NRG3: variants seen among roughly 807,000 people sequenced by gnomAD.
NRG3 encodes neuregulin 3, also known as pro-neuregulin-3, membrane-bound isoform.
In NRG3, 31 loss-of-function variants were observed where a neutral mutation model predicts 66.9. That is an observed-to-expected ratio of 0.46 (90% confidence interval 0.35 to 0.63). The LOEUF is 0.63. Among genes scored for constraint, NRG3 ranks in the 20% least tolerant of loss-of-function variants. The probability of loss-of-function intolerance (pLI) is 0.00; values close to 1 mark genes in which losing one functional copy is unlikely to be tolerated. For missense variants in NRG3, 910 were observed against 878.9 expected (o/e 1.04, Z -0.45); for synonymous variants, 393 against 359.4 (o/e 1.09, Z -1.06).
intron 2 of NRG3, among the ~76,000 whole-genome samples, chr10:82,398,520 T>A (rs1188425080): frequency 6.5e-4 from 82 of 125,568 alleles, no homozygotes; most frequent in East Asian, 4.6e-3. Flanking sequence ...TGTGTGTGTG[T>A]GTGTGTGAGA....
At chr10:82,761,029 G>T (rs1464326201) in intron 3 of NRG3, among the ~76,000 whole-genome samples, 4 of 151,710 alleles carry the variant, frequency 2.6e-5, no homozygotes, top group Non-Finnish European at 5.9e-5. Context: ...GAAATTGGGT[G>T]CCCACATGAA....
intron 1 of NRG3, among the ~76,000 whole-genome samples, chr10:81,960,783 A>G (rs1850282211): frequency 6.6e-6 from 1 of 151,908 alleles, no homozygotes; most frequent in African/African-American, 2.4e-5. Context: ...CTGGAGGAGA[A>G]TGCCACATCC....
At chr10:82,257,264 G>A (rs555621863) in intron 1 of NRG3, among the ~76,000 whole-genome samples, 32 of 152,188 alleles carry the variant, frequency 2.1e-4, no homozygotes, top group African/African-American at 7.0e-4. Context: ...AGGAAGAAAG[G>A]AGAATGGGGA....
intron 1 of NRG3, among the ~76,000 whole-genome samples, chr10:82,132,462 A>C (rs141160525): frequency 3.2e-5 from 4 of 124,418 alleles, no homozygotes; most frequent in Non-Finnish European, 3.1e-5. Context: ...TATATATGAT[A>C]TATATGATAT....
chr10:82,784,595 T>C (rs2060263478), intron 3 of NRG3, among the ~76,000 whole-genome samples: 3 of 151,938 alleles, frequency 2.0e-5, no homozygotes, highest in African/African-American at 4.8e-5. Context: ...CCAAAAGACA[T>C]ATGAAAAAAT....
chr10:82,276,568 A>G lies in NRG3; in HGVS notation c.824-82171A>G, dbSNP rs528222285. 9.1e-4 allele frequency among the ~76,000 whole-genome samples: 139 copies of G among 152,196 alleles called. 1 individual carries two copies. In the Middle Eastern group the frequency reaches 0.02, roughly 22 times the overall value. ...AATGAAACACAGAATTAAATAAAAT[A>G]ATGCAACCAATGTTTTAAATTTTTG... On this transcript the variant is annotated intron_variant, in intron 1 of 8. Transcript: ENST00000372141.
intron 1 of NRG3, among the ~76,000 whole-genome samples, chr10:81,975,556 G>A (rs978123606): frequency 6.6e-6 from 1 of 152,036 alleles, no homozygotes; most frequent in Non-Finnish European, 1.5e-5. Flanking sequence ...GGGAAAGGCA[G>A]GCCACAAATT....
chr10:82,944,031 CAG>C (rs1848793006), intron 4 of NRG3, among the ~76,000 whole-genome samples: 1 of 152,118 alleles, frequency 6.6e-6, no homozygotes, highest in Admixed American at 6.5e-5. Context: ...CCAAAATTAC[CAG>C]ACTCTCAGCC....
intron 1 of NRG3, among the ~76,000 whole-genome samples, chr10:82,089,651 G>T (rs2065918434): frequency 6.6e-6 from 1 of 152,148 alleles, no homozygotes; most frequent in South Asian, 2.1e-4. Flanking sequence ...TTGAATATTT[G>T]TTAAGTTTTT....
At chr10:82,264,714 A>G (rs2078210157) in intron 1 of NRG3, among the ~76,000 whole-genome samples, 1 of 152,164 alleles carries the variant, frequency 6.6e-6, no homozygotes, top group Admixed American at 6.5e-5. Flanking sequence ...GAAATCAGAA[A>G]ATGAGGACAT....
chr10:82,047,633 C>T (rs1251629087), intron 1 of NRG3, among the ~76,000 whole-genome samples: 1 of 151,862 alleles, frequency 6.6e-6, no homozygotes, highest in East Asian at 1.9e-4. Context: ...CCAGTACCAG[C>T]TGCCGCAAAA....
chr10:82,965,107 T>A (rs1564673577), intron 6 of NRG3, among the ~76,000 whole-genome samples: 1 of 152,136 alleles, frequency 6.6e-6, no homozygotes, highest in African/African-American at 2.4e-5. Context: ...ATGAAGGAGT[T>A]AACAACAACA....
chr10:82,356,274 G>A (rs1353370120), intron 1 of NRG3, among the ~76,000 whole-genome samples: 1 of 152,126 alleles, frequency 6.6e-6, no homozygotes, highest in East Asian at 1.9e-4. Flanking sequence ...ATAAAATAAG[G>A]ATCTCACTTT....
intron 1 of NRG3, among the ~76,000 whole-genome samples, chr10:81,943,028 T>G (rs890097833): frequency 2.6e-5 from 4 of 152,166 alleles, no homozygotes; most frequent in Admixed American, 1.3e-4. Flanking sequence ...TGTCACATAA[T>G]TTACCTTATC....
chr10:82,374,215 C>T (rs1051042691), intron 2 of NRG3, among the ~76,000 whole-genome samples: 4 of 152,194 alleles, frequency 2.6e-5, no homozygotes, highest in Non-Finnish European at 5.9e-5. Context: ...TTCTACACTG[C>T]TTCATAATTG....
intron 1 of NRG3, among the ~76,000 whole-genome samples, chr10:82,344,436 G>A (rs1023794164): frequency 3.1e-4 from 46 of 149,514 alleles, no homozygotes; most frequent in South Asian, 1.7e-3. Context: ...GTGTATATGT[G>A]CCACATTTTC....
intron 2 of NRG3, among the ~76,000 whole-genome samples, chr10:82,503,496 T>A (rs1844392034): frequency 6.6e-6 from 1 of 152,222 alleles, no homozygotes; most frequent in Non-Finnish European, 1.5e-5. Context: ...ATGGACTGAC[T>A]TGAGGATTGA....
chr10:82,483,289 GAGTGC>G (rs1486381999), intron 2 of NRG3, among the ~76,000 whole-genome samples: 1 of 152,218 alleles, frequency 6.6e-6, no homozygotes, highest in African/African-American at 2.4e-5. Context: ...AGAGTCAGGT[GAGTGC>G]AGTGGTGACT....
rs1249429145 is a variant in NRG3, at chr10:82,465,805, C to T, written c.953+106937C>T. 2.6e-5 allele frequency among the ~76,000 whole-genome samples: 4 copies of T among 152,134 alleles called. No homozygotes were observed. In the East Asian group the frequency reaches 7.7e-4, roughly 29 times the overall value. ...GGGTAGAGCCATCATGTTAATTCTGCTGGGCCTTTTTCAATACCTTTAAAA... is the reference window on the plus strand; with the variant it reads ...GGGTAGAGCCATCATGTTAATTCTGTTGGGCCTTTTTCAATACCTTTAAAA... On this transcript the variant is annotated intron_variant, in intron 2 of 8. Transcript: ENST00000372141.
Sources: gnomAD v4.1 joint callset for allele counts (sites outside exome capture counted in the v4.1 genomes callset) on GRCh38, gnomAD v4.1.1 for gene constraint, MANE v1.5 for transcripts, NCBI Gene and HGNC (gene_info 2026-07-23, HGNC 2026-07-21) for gene names.